PSD3: variants seen among roughly 807,000 people sequenced by gnomAD.
PSD3 encodes pleckstrin and Sec7 domain containing 3, also known as PH and SEC7 domain-containing protein 3.
In PSD3, 49 loss-of-function variants were observed where a neutral mutation model predicts 105.5. The ratio of observed to expected loss-of-function variants is 0.46; its 90% confidence interval spans 0.37 to 0.59. PSD3 has a LOEUF of 0.59. Among genes scored for constraint, PSD3 ranks in the 20% least tolerant of loss-of-function variants. The probability of loss-of-function intolerance (pLI) is 0.00; values close to 1 mark genes in which losing one functional copy is unlikely to be tolerated. For missense variants in PSD3, 1,561 were observed against 1,263.8 expected, an observed-to-expected ratio of 1.24 and a Z score of -3.57; for synonymous variants, 557 against 457.8, an observed-to-expected ratio of 1.22 and a Z score of -2.77.
chr8:18,573,815 G>A (rs958238407), intron 13 of PSD3, among the ~76,000 whole-genome samples: 7 of 152,276 alleles, frequency 4.6e-5, no homozygotes, highest in Non-Finnish European at 8.8e-5. Flanking sequence ...TACAAAATGC[G>A]CACGGGGATC....
At chr8:18,981,006 C>G (rs1427636534) in intron 1 of PSD3, among the ~76,000 whole-genome samples, 3 of 152,180 alleles carry the variant, frequency 2.0e-5, no homozygotes, top group Non-Finnish European at 4.4e-5. Flanking sequence ...TTACACCTCT[C>G]AGGTCCTAGT....
intron 9 of PSD3, among the ~76,000 whole-genome samples, chr8:18,702,577 T>C (rs367763005): frequency 1.9e-4 from 29 of 152,214 alleles, no homozygotes; most frequent in African/African-American, 6.7e-4. Flanking sequence ...GTGGGAGCAT[T>C]ACAATTTTTC....
chr8:18,751,464 G>A (rs1312722210), intron 9 of PSD3, among the ~76,000 whole-genome samples: 2 of 152,262 alleles, frequency 1.3e-5, no homozygotes, highest in Non-Finnish European at 2.9e-5. Context: ...GTGAACACTG[G>A]ACACAGGCTC....
At chr8:18,770,574 G>A (rs2129444248) in intron 8 of PSD3, among the ~76,000 whole-genome samples, 1 of 152,314 alleles carries the variant, frequency 6.6e-6, no homozygotes, top group East Asian at 1.9e-4. Flanking sequence ...TTGCTGGAGG[G>A]AGCAAACAGG....
intron 9 of PSD3, among the ~76,000 whole-genome samples, chr8:18,719,581 TC>T (rs1451033670): frequency 2.6e-5 from 4 of 152,206 alleles, no homozygotes; most frequent in Non-Finnish European, 5.9e-5. Flanking sequence ...CTCCAAATAC[TC>T]ATTTACTCGT....
At chr8:18,740,049 G>A (rs987474603) in intron 9 of PSD3, among the ~76,000 whole-genome samples, 2 of 152,186 alleles carry the variant, frequency 1.3e-5, no homozygotes, top group Non-Finnish European at 2.9e-5. Flanking sequence ...GGACAAAACT[G>A]CAAGATGTTC....
At chr8:18,887,047 G>A (rs1818494134) in intron 2 of PSD3, 1 of 152,284 alleles carries the variant, frequency 6.6e-6, no homozygotes, top group Non-Finnish European at 1.5e-5. Context: ...TGCAGCAGCA[G>A]GAAGCCCAGC....
intron 1 of PSD3, among the ~76,000 whole-genome samples, chr8:19,028,022 A>C (rs139674674): frequency 4.1e-4 from 63 of 152,290 alleles, no homozygotes; most frequent in African/African-American, 1.5e-3. Flanking sequence ...CAGTTTTCCA[A>C]AGTGGCTATG....
chr8:18,669,067 A>G (rs185102320), intron 9 of PSD3, among the ~76,000 whole-genome samples: 2 of 152,338 alleles, frequency 1.3e-5, no homozygotes, highest in East Asian at 1.9e-4. Context: ...ATCACTGACT[A>G]TTTATAACTT....
chr8:18,733,486 G>C (rs1243067510), intron 9 of PSD3: 1 of 152,662 alleles, frequency 6.6e-6, no homozygotes, highest in African/African-American at 2.4e-5. Context: ...GCAAATGGTG[G>C]TATTACTCAT....
At chr8:18,604,939 G>A (rs1389681587) in intron 11 of PSD3, among the ~76,000 whole-genome samples, 1 of 152,220 alleles carries the variant, frequency 6.6e-6, no homozygotes, top group Admixed American at 6.5e-5. Flanking sequence ...AGATTTCACA[G>A]GATATATGAA....
chr8:18,726,783 C>G (rs1201999940), intron 9 of PSD3, among the ~76,000 whole-genome samples: 1 of 152,218 alleles, frequency 6.6e-6, no homozygotes, highest in African/African-American at 2.4e-5. Context: ...AAACTACTAT[C>G]TTAATGTTCC....
At chr8:18,600,055 C>A (rs1385131022) in intron 12 of PSD3, among the ~76,000 whole-genome samples, 1 of 152,116 alleles carries the variant, frequency 6.6e-6, no homozygotes. Context: ...GATGTCATCA[C>A]AGAGATGTCT....
At chr8:18,845,434 T>A (rs1044844669) in intron 4 of PSD3, among the ~76,000 whole-genome samples, 1 of 152,144 alleles carries the variant, frequency 6.6e-6, no homozygotes, top group East Asian at 1.9e-4. Flanking sequence ...AACTCCCTCA[T>A]CAGTCCTTCA....
intron 2 of PSD3, among the ~76,000 whole-genome samples, chr8:18,909,906 C>T (rs1450572722): frequency 6.6e-6 from 1 of 152,122 alleles, no homozygotes; most frequent in Non-Finnish European, 1.5e-5. Flanking sequence ...AATTTCCCTC[C>T]GCTGGGAGGC....
intron 10 of PSD3, among the ~76,000 whole-genome samples, chr8:18,649,736 G>A (rs147686168): frequency 3.8e-4 from 58 of 152,304 alleles, no homozygotes; most frequent in African/African-American, 1.1e-3. Context: ...GGGATCTGGC[G>A]GTAAGTGATT....
intron 2 of PSD3, among the ~76,000 whole-genome samples, chr8:18,919,841 G>T (rs1181641409): frequency 7.8e-6 from 1 of 127,736 alleles, no homozygotes; most frequent in Non-Finnish European, 1.6e-5. Flanking sequence ...CACACTCTGG[G>T]GACTGTGGTG....
At chr8:18,846,435 C>T (rs1328510260) in intron 4 of PSD3, among the ~76,000 whole-genome samples, 1 of 152,078 alleles carries the variant, frequency 6.6e-6, no homozygotes, top group Non-Finnish European at 1.5e-5. Flanking sequence ...CAGTTTCTAC[C>T]ACGCCCTGCA....
intron 1 of PSD3, among the ~76,000 whole-genome samples, chr8:18,969,015 T>C (rs1210301527): frequency 6.6e-6 from 1 of 152,146 alleles, no homozygotes; most frequent in Non-Finnish European, 1.5e-5. Context: ...TGTATTGAGT[T>C]ATTATAACAT....
Sources: allele counts gnomAD v4.1 joint callset (sites outside exome capture counted in the v4.1 genomes callset), GRCh38; gene constraint gnomAD v4.1.1; transcripts MANE v1.5; gene names NCBI Gene and HGNC (gene_info 2026-07-23, HGNC 2026-07-21).